Variants in TIAM1 observed in about 807,000 individuals in gnomAD.
The protein encoded by TIAM1 is rho guanine nucleotide exchange factor TIAM1.
TIAM1 carries 65 observed loss-of-function variants against 163.5 expected under a neutral mutation model. That is an observed-to-expected ratio of 0.40 (90% CI 0.33 to 0.49). The LOEUF (loss-of-function observed/expected upper bound fraction) is 0.49, where lower values mean the gene tolerates loss of function less well. Ranked by LOEUF, TIAM1 falls within the 20% of genes least tolerant of loss-of-function variation. TIAM1 has a pLI of 0.77. For missense variants in TIAM1, 1,789 were observed against 2,044.7 expected (o/e 0.87, Z 2.41); for synonymous variants, 833 against 810.1 (o/e 1.03, Z -0.48).
chr21:31,511,541 G>C (rs1323489885), intron 1 of TIAM1, among the ~76,000 whole-genome samples: 1 of 152,146 alleles, frequency 6.6e-6, no homozygotes, highest in Non-Finnish European at 1.5e-5. Flanking sequence ...CATCCTGCTA[G>C]GAAAATCACA....
intron 24 of TIAM1, 23 bp downstream of exon 24, chr21:31,130,867 T>C (rs2146234606): frequency 1.2e-6 from 2 of 1,608,652 alleles, no homozygotes; most frequent in Non-Finnish European, 1.7e-6. Context: ...TTTCAAACCA[T>C]GGGGTAACAT....
rs1377486034 is a variant in TIAM1 at position 31,119,521 on chromosome 21, T to A, written c.*847A>T. On this transcript the variant is annotated 3_prime_UTR_variant, in exon 28 of 28. Coordinates refer to ENST00000541036, the MANE Select transcript of TIAM1 (RefSeq NM_001353694.2). ...AGAAAAGTATATCCTTCGCATGAGC[T>A]TGCTGGCCTTTCATATATAAATATA... 6.6e-6 allele frequency: 1 copy of A among 152,574 alleles called. No individual in the cohort carries two copies. The highest frequency in any genetic ancestry group is 1.5e-5 in the Non-Finnish European group (1 of 68,044). The allele number at this position is 152,574 out of a possible 1,614,324, so 9.5% of individuals were successfully genotyped here.
At chr21:31,219,004 G>A (rs2087386179) in intron 8 of TIAM1, among the ~76,000 whole-genome samples, 1 of 143,848 alleles carries the variant, frequency 7.0e-6, no homozygotes, top group Admixed American at 7.0e-5. Flanking sequence ...CAATGTGCCA[G>A]CAACCCAGAG....
intron 1 of TIAM1, among the ~76,000 whole-genome samples, chr21:31,342,411 A>G (rs2076047266): frequency 6.6e-6 from 1 of 152,248 alleles, no homozygotes; most frequent in African/African-American, 2.4e-5. Context: ...TCTCACATCT[A>G]CACGGTCATA....
chr21:31,188,387 C>A (rs1425502017), intron 13 of TIAM1, among the ~76,000 whole-genome samples: 5 of 151,986 alleles, frequency 3.3e-5, no homozygotes, highest in African/African-American at 1.2e-4. Context: ...TACACAAGAA[C>A]CATTTAAGTT....
chr21:31,165,159 G>A (rs2084147221), intron 15 of TIAM1, 94 bp from the exon 16 acceptor site: 2 of 1,082,722 alleles, frequency 1.8e-6, no homozygotes, highest in Non-Finnish European at 2.8e-6. Context: ...TCTCGCTCAT[G>A]ACATGTACAT....
At chr21:31,355,296 C>T (rs980233050) in intron 2 of TIAM1, among the ~76,000 whole-genome samples, 1 of 152,116 alleles carries the variant, frequency 6.6e-6, no homozygotes, top group African/African-American at 2.4e-5. Context: ...TGGCCTTTGG[C>T]ATGAATATGG....
intron 1 of TIAM1, among the ~76,000 whole-genome samples, chr21:31,518,402 C>T (rs2047453805): frequency 6.6e-6 from 1 of 152,108 alleles, no homozygotes; most frequent in Admixed American, 6.5e-5. Context: ...ATTCTCCTGC[C>T]TCAGCCTCCC....
At chr21:31,369,044 G>T (rs972935549) in intron 2 of TIAM1, among the ~76,000 whole-genome samples, 4 of 144,670 alleles carry the variant, frequency 2.8e-5, no homozygotes, top group Non-Finnish European at 5.9e-5. Context: ...TAGAGACATG[G>T]TGAAACCCCA....
intron 16 of TIAM1, among the ~76,000 whole-genome samples, chr21:31,155,244 C>A (rs1372085737): frequency 6.6e-6 from 1 of 152,334 alleles, no homozygotes; most frequent in African/African-American, 2.4e-5. Flanking sequence ...TTCTCCAAAG[C>A]AAGGGCTGCT....
At chr21:31,427,677 A>T (rs975814782) in intron 2 of TIAM1, among the ~76,000 whole-genome samples, 3 of 151,216 alleles carry the variant, frequency 2.0e-5, no homozygotes, top group African/African-American at 7.3e-5. Context: ...TTTTTTAAAA[A>T]ATTAAAAATA....
intron 13 of TIAM1, among the ~76,000 whole-genome samples, chr21:31,193,881 A>C (rs1316353667): frequency 3.9e-5 from 6 of 152,172 alleles, no homozygotes; most frequent in Non-Finnish European, 1.5e-5. Flanking sequence ...CCATGCGTAC[A>C]GTAAGAAGCA....
chr21:31,353,835 C>T (rs368480755), intron 2 of TIAM1, among the ~76,000 whole-genome samples: 77 of 71,196 alleles, frequency 1.1e-3, no homozygotes, highest in East Asian at 1.7e-3. Context: ...ATTTATTTAT[C>T]TTTTTTTTTT....
chr21:31,315,084 T>C (rs1460897524), intron 2 of TIAM1, among the ~76,000 whole-genome samples: 1 of 152,130 alleles, frequency 6.6e-6, no homozygotes, highest in Non-Finnish European at 1.5e-5. Flanking sequence ...AAAATCAACA[T>C]GCAATGAGGC....
chr21:31,191,690 G>A (rs2085569068), intron 13 of TIAM1, among the ~76,000 whole-genome samples: 1 of 152,198 alleles, frequency 6.6e-6, no homozygotes, highest in Non-Finnish European at 1.5e-5. Context: ...GGGAAGCACT[G>A]TTTGTAACAC....
chr21:31,451,526 T>A (rs1035955054), intron 2 of TIAM1, among the ~76,000 whole-genome samples: 2 of 152,106 alleles, frequency 1.3e-5, no homozygotes, highest in Admixed American at 1.3e-4. Flanking sequence ...CCAGAGTCTG[T>A]AGTTCAGAGA....
intron 4 of TIAM1, among the ~76,000 whole-genome samples, chr21:31,259,616 G>A (rs1331528746): frequency 7.7e-6 from 1 of 129,608 alleles, no homozygotes; most frequent in African/African-American, 2.9e-5. Context: ...AGCAAGACCT[G>A]TCTAAAAAAA....
intron 2 of TIAM1, among the ~76,000 whole-genome samples, chr21:31,359,651 TG>T (rs2147132159): frequency 6.6e-6 from 1 of 152,024 alleles, no homozygotes; most frequent in Non-Finnish European, 1.5e-5. Flanking sequence ...TAGCAGGGCA[TG>T]GTGGCGGGTG....
intron 22 of TIAM1, among the ~76,000 whole-genome samples, chr21:31,138,031 T>C (rs1235631803): frequency 6.6e-6 from 1 of 151,716 alleles, no homozygotes; most frequent in Non-Finnish European, 1.5e-5. Context: ...GTGCTCCCTC[T>C]GGCCACAGCC....
Sources: gnomAD v4.1 joint callset for allele counts (sites outside exome capture counted in the v4.1 genomes callset) on GRCh38, gnomAD v4.1.1 for gene constraint, MANE v1.5 for transcripts, NCBI Gene and HGNC (gene_info 2026-07-23, HGNC 2026-07-21) for gene names.